The following CNNM4 variants were observed in gnomAD, a reference collection of about 807,000 sequenced individuals.
The protein encoded by CNNM4 is cyclin and CBS domain divalent metal cation transport mediator 4.
A neutral mutation model predicts 53.7 loss-of-function variants in CNNM4; 32 were observed. The ratio of observed to expected loss-of-function variants is 0.60; its 90% CI spans 0.45 to 0.80. The LOEUF (loss-of-function observed/expected upper bound fraction) is 0.80, where lower values mean the gene tolerates loss of function less well. CNNM4 is among the 30% of genes least tolerant of loss of function. The probability of loss-of-function intolerance (pLI) is 0.00; values close to 1 mark genes in which losing one functional copy is unlikely to be tolerated. For missense variants in CNNM4, 784 were observed against 1,022.0 expected, an observed-to-expected ratio of 0.77 and a Z score of 3.17; for synonymous variants, 410 against 440.0, an observed-to-expected ratio of 0.93 and a Z score of 0.85.
intron 5 of CNNM4, among the ~76,000 whole-genome samples, chr2:96,806,337 TTCTCTC>T (rs760580146): frequency 6.6e-6 from 1 of 151,954 alleles, no homozygotes; most frequent in Non-Finnish European, 1.5e-5. Context: ...GAACTCAGAC[TTCTCTC>T]TCTTTTTTTT....
At chr2:96,781,263 G>A (rs966874716) in intron 1 of CNNM4, among the ~76,000 whole-genome samples, 1 of 152,066 alleles carries the variant, frequency 6.6e-6, no homozygotes, top group Non-Finnish European at 1.5e-5. Context: ...ACAGGCGTGA[G>A]CCACCGTGCC....
chr2:96,808,578 C>T lies in CNNM4; in HGVS notation c.1966C>T (p.Pro656Ser), dbSNP rs778797812. The T allele has an allele frequency of 1.2e-6, 2 of 1,613,912 alleles. No individual in the cohort carries two copies. Among genetic ancestry groups the T allele is most frequent in the East Asian group, 2.2e-5 (1 of 44,874 alleles). The change falls in exon 6 of 7, where the codon CCC (proline) becomes TCC (serine). Residue 656 changes from proline (P) to serine (S), a missense_variant. This residue lies in a region of CNNM4 where 307 missense variants were observed against 376.3 expected (regional missense o/e 0.82). Transcript: ENST00000377075. The surrounding 1 kb of genome is among the most constrained non-coding windows in gnomAD (Gnocchi z 4.9). The part of the protein sequence containing the change: ...SVPSDRSPAH[P>S]TPLSRSASLS... Reference sequence around the variant, plus strand: ...CCCTGCAGACCGTTCCCCAGCACACCCCACCCCACTCAGCCGCTCAGCCTC... The same window carrying T: ...CCCTGCAGACCGTTCCCCAGCACACTCCACCCCACTCAGCCGCTCAGCCTC...
chr2:96,777,959 T>C (rs1031620358), intron 1 of CNNM4, among the ~76,000 whole-genome samples: 2 of 151,846 alleles, frequency 1.3e-5, no homozygotes, highest in Non-Finnish European at 2.9e-5. Context: ...CTCGACTTCC[T>C]GGGCTCAAGA....
chr2:96,795,572 G>A (rs1379860345), intron 1 of CNNM4, among the ~76,000 whole-genome samples: 1 of 152,056 alleles, frequency 6.6e-6, no homozygotes, highest in Non-Finnish European at 1.5e-5. Context: ...TCCCTAAGAG[G>A]CCCTTAGAAG....
Position 96,809,628 on chromosome 2 carries a change from C to T in CNNM4, c.*111C>T. 1 of 978,646 alleles carries T rather than the reference C, an allele frequency of 1.0e-6. No homozygotes were observed. The highest frequency in any genetic ancestry group is 1.6e-6 in the Non-Finnish European group (1 of 644,544). The allele number at this position is 978,646 out of a possible 1,614,324, so 60.6% of individuals were successfully genotyped here. Reference sequence around the variant, plus strand: ...GGATACGGATAGATAGCCTGTCTGACTGAACAGCCAGATGGCCCCCAGCCT... The same window carrying T: ...GGATACGGATAGATAGCCTGTCTGATTGAACAGCCAGATGGCCCCCAGCCT... On this transcript the variant is annotated 3_prime_UTR_variant, in exon 7 of 7. Coordinates refer to ENST00000377075, the MANE Select transcript of CNNM4 (RefSeq NM_020184.4).
chr2:96,776,250 G>A (rs986636638), intron 1 of CNNM4, among the ~76,000 whole-genome samples: 1 of 150,220 alleles, frequency 6.7e-6, no homozygotes, highest in African/African-American at 2.5e-5. Flanking sequence ...GGATGGTCTC[G>A]ATCTCCTGAC....
At chr2:96,766,410 A>T (rs1012320367) in intron 1 of CNNM4, among the ~76,000 whole-genome samples, 1 of 151,936 alleles carries the variant, frequency 6.6e-6, no homozygotes, top group Non-Finnish European at 1.5e-5. Context: ...GGATGCTCCC[A>T]CCATGGGGCC....
At chr2:96,785,426 C>T (rs955097289) in intron 1 of CNNM4, among the ~76,000 whole-genome samples, 1 of 151,250 alleles carries the variant, frequency 6.6e-6, no homozygotes, top group Non-Finnish European at 1.5e-5. Context: ...TCCTGTAGCC[C>T]CAGAGTTTGA....
At chr2:96,781,926 G>A (rs1031344217) in intron 1 of CNNM4, among the ~76,000 whole-genome samples, 1 of 152,092 alleles carries the variant, frequency 6.6e-6, no homozygotes, top group African/African-American at 2.4e-5. Context: ...TCTCCCCTTA[G>A]TTTGCTAAGA....
chr2:96,799,715 AC>A, intron 5 of CNNM4, 67 bp downstream of exon 5: 1 of 1,287,934 alleles, frequency 7.8e-7, no homozygotes, highest in Non-Finnish European at 1.1e-6. Flanking sequence ...ATGGACCGAC[AC>A]CAGAACTGAG....
intron 1 of CNNM4, among the ~76,000 whole-genome samples, chr2:96,772,817 A>G (rs2078891157): frequency 7.2e-6 from 1 of 138,960 alleles, no homozygotes. Flanking sequence ...TCATACCCGC[A>G]CATAGGCACA....
At chr2:96,805,954 G>GCT (rs1370240223) in intron 5 of CNNM4, among the ~76,000 whole-genome samples, 1 of 151,728 alleles carries the variant, frequency 6.6e-6, no homozygotes, top group Non-Finnish European at 1.5e-5. Context: ...TTCTCAATGA[G>GCT]CTGTTGGGTA....
intron 1 of CNNM4, among the ~76,000 whole-genome samples, chr2:96,770,898 A>G (rs1419363231): frequency 6.6e-6 from 1 of 152,174 alleles, no homozygotes; most frequent in Non-Finnish European, 1.5e-5. Context: ...ATTTTCGCAG[A>G]GCCTCCTGGT....
At chr2:96,767,116 G>A (rs1172703512) in intron 1 of CNNM4, among the ~76,000 whole-genome samples, 1 of 152,126 alleles carries the variant, frequency 6.6e-6, no homozygotes, top group East Asian at 1.9e-4. Flanking sequence ...AGACGGGCTA[G>A]GGGCATCGAT....
Position 96,761,685 on chromosome 2 carries a change from C to T in CNNM4, c.686C>T (p.Ala229Val), listed in dbSNP as rs1370234996. 4 of 1,610,256 alleles carry T rather than the reference C, an allele frequency of 2.5e-6. No individual in the cohort carries two copies. The highest frequency in any genetic ancestry group is 3.4e-6 in the Non-Finnish European group (4 of 1,179,984). ...NCGTEKERRYARKIEPIRRKG... is the reference protein window; with the variant it reads ...NCGTEKERRYVRKIEPIRRKG... ...GGCACCGAGAAGGAGAGGCGCTATG[C>T]CCGCAAGATTGAGCCCATCCGGCGC... The change falls in exon 1 of 7, where the codon GCC becomes GTC. Residue 229 changes from alanine (A) to valine (V), a missense_variant. By Grantham distance (64) the Ala-to-Val change is moderately conservative. This residue lies in a region of CNNM4 where 473 missense variants were observed against 624.6 expected (regional missense o/e 0.76). Transcript: ENST00000377075. The surrounding 1 kb of genome is among the most constrained non-coding windows in gnomAD (Gnocchi z 6.0).
At chr2:96,803,334 T>C (rs1445140616) in intron 5 of CNNM4, among the ~76,000 whole-genome samples, 2 of 152,182 alleles carry the variant, frequency 1.3e-5, no homozygotes, top group African/African-American at 4.8e-5. Flanking sequence ...AACAATACCA[T>C]GATATAAACT....
intron 1 of CNNM4, among the ~76,000 whole-genome samples, chr2:96,778,185 A>T (rs2078942930): frequency 6.6e-6 from 1 of 151,508 alleles, no homozygotes; most frequent in Non-Finnish European, 1.5e-5. Context: ...CTTTTTCTTA[A>T]CCATGTTTAG....
At chr2:96,770,556 G>A (rs1043710975) in intron 1 of CNNM4, among the ~76,000 whole-genome samples, 5 of 152,208 alleles carry the variant, frequency 3.3e-5, no homozygotes, top group African/African-American at 9.6e-5. Context: ...GAGCCTCACC[G>A]TCCTTCGCAG....
Position 96,809,320 on chromosome 2 carries a change from A to G in CNNM4, c.2131A>G (p.Ile711Val). Residue 711 changes from isoleucine to valine, a missense_variant and splice_region_variant, in exon 7 of 7, where the codon ATC (isoleucine) becomes GTC (valine). Around this residue, in one of 3 missense-constraint regions of CNNM4, gnomAD observed 307 missense variants for 376.3 expected, o/e 0.82. Coordinates refer to ENST00000377075, the MANE Select transcript of CNNM4 (RefSeq NM_020184.4). The part of the protein sequence containing the change: ...RALVDLQYIK[I>V]TRQQYQNGLL... ...ATGAACTCATCCCTTCCTCATGCAG[A>G]TCACTCGGCAGCAGTACCAGAACGG... 6.2e-7 allele frequency: 1 copy of G among 1,614,018 alleles called. No homozygotes were observed. The highest frequency in any genetic ancestry group is 8.5e-7 in the Non-Finnish European group (1 of 1,179,974).
Sources: allele counts gnomAD v4.1 joint callset (sites outside exome capture counted in the v4.1 genomes callset), GRCh38; gene constraint gnomAD v4.1.1; regional missense constraint gnomAD v4.1.1; non-coding constraint Gnocchi (gnomAD v3.1); transcripts MANE v1.5; gene names NCBI Gene and HGNC (gene_info 2026-07-23, HGNC 2026-07-21).